Variants in LY96 observed in about 807,000 individuals in gnomAD.
LY96 encodes lymphocyte antigen 96.
In LY96, 18 loss-of-function variants were observed where a neutral mutation model predicts 18.9. The ratio of observed to expected loss-of-function variants is 0.95; its 90% CI spans 0.66 to 1.41. The LOEUF (loss-of-function observed/expected upper bound fraction) is 1.41. Among genes scored for constraint, LY96 ranks in the 40% most tolerant of loss-of-function variants. The pLI is 0.00. For synonymous variants in LY96, 66 were observed against 62.6 expected, an observed-to-expected ratio of 1.06 and a Z score of -0.26; for missense variants, 175 against 182.4, an observed-to-expected ratio of 0.96 and a Z score of 0.23.
downstream of LY96, chr8:74,029,124 T>A: frequency 1.2e-6 from 1 of 857,276 alleles, no homozygotes; most frequent in Non-Finnish European, 1.9e-6. Flanking sequence ...GGATTTGTTT[T>A]AATCAGATAT....
rs549186258 is a variant in LY96, at chr8:74,018,344, A to G, written c.331+8215A>G. ...ACAAAGAAGACAATTACATAAAGGT[A>G]AAGGGATCAATTCAACAAGAAGAGC... On this transcript the variant is annotated intron_variant, in intron 3 of 4. Transcript: ENST00000284818. Among the ~76,000 whole-genome samples, 13 of 152,360 alleles carry G rather than the reference A, an allele frequency of 8.5e-5. No individual in the cohort carries two copies. The East Asian group carries it at 2.1e-3, about 25-fold the overall frequency.
At chr8:74,095,051 T>A in the LY96 span, among the ~76,000 whole-genome samples, 1 of 152,194 alleles carries the variant, frequency 6.6e-6, no homozygotes. Flanking sequence ...TTTCCCAATA[T>A]TATTGTTCCA....
the LY96 span, among the ~76,000 whole-genome samples, chr8:74,057,160 CACAG>C: frequency 2.0e-5 from 3 of 152,178 alleles, no homozygotes; most frequent in African/African-American, 4.8e-5. Flanking sequence ...ACACTCTCCA[CACAG>C]ACAGTGATTT....
intron 3 of LY96, among the ~76,000 whole-genome samples, chr8:74,018,134 A>G (rs939392950): frequency 1.3e-5 from 2 of 152,174 alleles, no homozygotes; most frequent in Non-Finnish European, 2.9e-5. Flanking sequence ...AAGACGTATC[A>G]GTGTGCTATA....
the LY96 span, chr8:74,099,753 C>A: frequency 6.6e-6 from 1 of 152,056 alleles, no homozygotes; most frequent in Non-Finnish European, 1.5e-5. Flanking sequence ...CTTGAAGTAT[C>A]TGTTTTTGGC....
chr8:74,020,495 C>G (rs1816736848), intron 3 of LY96, among the ~76,000 whole-genome samples: 1 of 152,072 alleles, frequency 6.6e-6, no homozygotes, highest in African/African-American at 2.4e-5. Context: ...CCATACTGCC[C>G]AAGGTAATTT....
chr8:74,084,897 G>A, the LY96 span, among the ~76,000 whole-genome samples: 7 of 152,230 alleles, frequency 4.6e-5, no homozygotes, highest in Non-Finnish European at 4.4e-5. Flanking sequence ...TTACAGGCGT[G>A]AGCCACCGCA....
chr8:74,084,063 A>G, the LY96 span, among the ~76,000 whole-genome samples: 4 of 151,768 alleles, frequency 2.6e-5, no homozygotes, highest in Admixed American at 2.6e-4. Context: ...TTGTTGAAGA[A>G]ACTGGATGTT....
At chr8:74,037,123 C>T in the LY96 span, among the ~76,000 whole-genome samples, 13 of 152,086 alleles carry the variant, frequency 8.5e-5, no homozygotes, top group Admixed American at 1.3e-4. Context: ...CTAGGTCAGC[C>T]ATGTGAAGTA....
At chr8:74,068,079 A>T in the LY96 span, among the ~76,000 whole-genome samples, 747 of 97,204 alleles carry the variant, frequency 7.7e-3, 38 homozygotes, top group African/African-American at 0.046. Context: ...AAAAAAAAAA[A>T]AAAAAAAAAA....
the LY96 span, among the ~76,000 whole-genome samples, chr8:74,060,319 A>T: frequency 6.6e-6 from 1 of 152,386 alleles, no homozygotes; most frequent in African/African-American, 2.4e-5. Flanking sequence ...AATTTTATAA[A>T]TCAATTAGCA....
the LY96 span, among the ~76,000 whole-genome samples, chr8:74,080,984 CTCTTTCTT>C: frequency 0.11 from 12,053 of 104,878 alleles, 745 homozygotes; most frequent in Middle Eastern, 0.17. Flanking sequence ...TTCTTTCTCT[CTCTTTCTT>C]TCTTTCTTTC....
the LY96 span, among the ~76,000 whole-genome samples, chr8:74,052,994 A>C: frequency 6.6e-6 from 1 of 152,218 alleles, no homozygotes; most frequent in African/African-American, 2.4e-5. Flanking sequence ...ATTGATTTTA[A>C]AAGTTTAACA....
At chr8:74,073,310 G>A in the LY96 span, among the ~76,000 whole-genome samples, 7 of 152,312 alleles carry the variant, frequency 4.6e-5, 1 homozygote, top group African/African-American at 1.7e-4. Context: ...TGAGTCAGTA[G>A]ATCAACAGAT....
chr8:74,088,585 G>GTATTTATT, the LY96 span, among the ~76,000 whole-genome samples: 2 of 152,022 alleles, frequency 1.3e-5, no homozygotes, highest in Non-Finnish European at 2.9e-5. Context: ...ACCCTCCTGA[G>GTATTTATT]TATTTATTTA....
chr8:74,093,844 A>G, the LY96 span, among the ~76,000 whole-genome samples: 1 of 152,276 alleles, frequency 6.6e-6, no homozygotes, highest in South Asian at 2.1e-4. Flanking sequence ...ATAGCATATT[A>G]TTTATTTTGA....
At chr8:74,041,211 A>G in the LY96 span, among the ~76,000 whole-genome samples, 1 of 152,290 alleles carries the variant, frequency 6.6e-6, no homozygotes, top group South Asian at 2.1e-4. Context: ...TAATATGGAC[A>G]TTTCTCAGTT....
At chr8:74,081,580 G>A in the LY96 span, among the ~76,000 whole-genome samples, 1 of 151,706 alleles carries the variant, frequency 6.6e-6, no homozygotes, top group Non-Finnish European at 1.5e-5. Flanking sequence ...TTTTAGTAGG[G>A]ATGAGGTCTT....
At chr8:74,024,705 A>C (rs115865211) in intron 3 of LY96, among the ~76,000 whole-genome samples, 1,625 of 152,132 alleles carry the variant, frequency 0.011, 32 homozygotes, top group African/African-American at 0.037. Context: ...CAGAGCCATC[A>C]CTCTTACAAA....
Sources: allele counts gnomAD v4.1 joint callset (sites outside exome capture counted in the v4.1 genomes callset), GRCh38; gene constraint gnomAD v4.1.1; transcripts MANE v1.5; gene names NCBI Gene and HGNC (gene_info 2026-07-23, HGNC 2026-07-21).